The following SLC35F3 variants were observed in gnomAD, a reference collection of about 807,000 sequenced individuals.
The protein encoded by SLC35F3 is putative thiamine transporter SLC35F3.
SLC35F3 carries 25 observed loss-of-function variants against 49.9 expected under a neutral mutation model. The ratio of observed to expected loss-of-function variants is 0.50; its 90% CI spans 0.37 to 0.70. The LOEUF is 0.70. Among genes scored for constraint, SLC35F3 ranks in the 30% least tolerant of loss-of-function variants. The pLI, the probability that SLC35F3 is intolerant of heterozygous loss-of-function variation, is 0.00. For missense variants in SLC35F3, 525 were observed against 639.8 expected (o/e 0.82, Z 1.94); for synonymous variants, 275 against 265.4 (o/e 1.04, Z -0.35).
At chr1:233,959,906 G>C (rs1662766508) in intron 2 of SLC35F3, among the ~76,000 whole-genome samples, 1 of 152,192 alleles carries the variant, frequency 6.6e-6, no homozygotes. Flanking sequence ...TTGAGACCTG[G>C]AGTGCCCAAC....
chr1:234,087,161 T>G (rs1013344686), intron 2 of SLC35F3, among the ~76,000 whole-genome samples: 3 of 152,180 alleles, frequency 2.0e-5, no homozygotes, highest in Non-Finnish European at 4.4e-5. Flanking sequence ...CTTCCAAGCC[T>G]TTGGTGTGTG....
chr1:234,154,053 C>T lies in SLC35F3; in HGVS notation c.284-77364C>T, dbSNP rs148417666. Among the ~76,000 whole-genome samples the T allele has an allele frequency of 7.2e-3, 1,086 of 149,910 alleles. 18 individuals are homozygous for T. Among genetic ancestry groups the T allele is most frequent in the African/African-American group, 0.024 (979 of 40,632 alleles). ...CTCCAGCCTGGGCAACAGAGCGAGA[C>T]TCCGTCTCAAAAAAAAAAACAAAAA... On this transcript the variant is annotated intron_variant, in intron 2 of 7. Transcript: ENST00000366618.
intron 2 of SLC35F3, among the ~76,000 whole-genome samples, chr1:234,116,346 T>A (rs1006220472): frequency 2.0e-5 from 3 of 152,128 alleles, no homozygotes; most frequent in Admixed American, 2.0e-4. Context: ...CTTTAGAAGC[T>A]GTGTGCCAAG....
At chr1:234,062,231 T>C (rs1664552635) in intron 2 of SLC35F3, among the ~76,000 whole-genome samples, 1 of 152,234 alleles carries the variant, frequency 6.6e-6, no homozygotes, top group African/African-American at 2.4e-5. Context: ...CTCCATTGCC[T>C]GAAGTTTCTG....
chr1:234,290,873 CT>C (rs1019468834), intron 3 of SLC35F3, among the ~76,000 whole-genome samples: 4 of 152,014 alleles, frequency 2.6e-5, no homozygotes, highest in African/African-American at 9.7e-5. Flanking sequence ...TATAACTCAC[CT>C]TTTTTTTCCT....
At chr1:234,084,220 GAC>G (rs34569981) in intron 2 of SLC35F3, among the ~76,000 whole-genome samples, 1,846 of 148,068 alleles carry the variant, frequency 0.012, 11 homozygotes, top group Middle Eastern at 0.059. Flanking sequence ...ATAAGGAATA[GAC>G]ACACACACAC....
intron 2 of SLC35F3, chr1:234,215,223 C>T (rs1667104431): frequency 1.3e-5 from 2 of 152,440 alleles, no homozygotes; most frequent in Non-Finnish European, 2.9e-5. Context: ...GAGAGGCCCC[C>T]AGAAGGTGTC....
chr1:234,166,624 G>T (rs1452201467), intron 2 of SLC35F3, among the ~76,000 whole-genome samples: 1 of 152,142 alleles, frequency 6.6e-6, no homozygotes, highest in Non-Finnish European at 1.5e-5. Context: ...AGAGGACCAG[G>T]TGGCCCAAGG....
intron 3 of SLC35F3, among the ~76,000 whole-genome samples, chr1:234,254,318 A>G (rs999568761): frequency 1.3e-5 from 2 of 152,224 alleles, no homozygotes; most frequent in Non-Finnish European, 2.9e-5. Context: ...CAGTTACATC[A>G]GACCTAACAA....
At chr1:234,103,932 C>T (rs1020983082) in intron 2 of SLC35F3, among the ~76,000 whole-genome samples, 25 of 152,130 alleles carry the variant, frequency 1.6e-4, no homozygotes, top group African/African-American at 1.2e-4. Context: ...ATGAGATTAG[C>T]GGCATTCCAA....
chr1:233,951,741 T>G (rs980961034), intron 2 of SLC35F3, among the ~76,000 whole-genome samples: 7 of 151,994 alleles, frequency 4.6e-5, no homozygotes, highest in Non-Finnish European at 8.8e-5. Flanking sequence ...TGTGTTTTGT[T>G]TTGTTTTTTT....
At chr1:234,270,619 G>A (rs1224734406) in intron 3 of SLC35F3, among the ~76,000 whole-genome samples, 1 of 152,204 alleles carries the variant, frequency 6.6e-6, no homozygotes, top group African/African-American at 2.4e-5. Flanking sequence ...AGTGGTAATT[G>A]CCTACAAAGC....
intron 3 of SLC35F3, among the ~76,000 whole-genome samples, chr1:234,291,894 T>C (rs947122067): frequency 3.3e-5 from 5 of 152,186 alleles, no homozygotes; most frequent in Non-Finnish European, 7.3e-5. Context: ...GTCCTTGGTG[T>C]GCAGAAGACA....
intron 2 of SLC35F3, among the ~76,000 whole-genome samples, chr1:234,021,533 A>C (rs1663896464): frequency 6.6e-6 from 1 of 152,200 alleles, no homozygotes; most frequent in East Asian, 1.9e-4. Context: ...ATGCATAACC[A>C]CATGTGATAA....
intron 2 of SLC35F3, among the ~76,000 whole-genome samples, chr1:234,148,002 T>A (rs1220523382): frequency 6.6e-6 from 1 of 152,180 alleles, no homozygotes; most frequent in East Asian, 1.9e-4. Context: ...CCCTGAACTG[T>A]AACTCACTGA....
chr1:233,936,911 C>T (rs151272062), intron 2 of SLC35F3, among the ~76,000 whole-genome samples: 125 of 152,240 alleles, frequency 8.2e-4, no homozygotes, highest in East Asian at 7.1e-3. Context: ...AGGCTGGTCT[C>T]GAACTCCTGA....
At position 233,927,885 on chromosome 1, in the gene SLC35F3, TA is replaced by T. The variant is rs199593133; in HGVS notation, c.283+22132del. Among the ~76,000 whole-genome samples the T allele has an allele frequency of 1.8e-3, 281 of 152,290 alleles. 1 individual carries two copies. The highest frequency in any genetic ancestry group is 6.3e-3 in the African/African-American group (263 of 41,562). ...GGTAATTAGATTCCTTAAATAGATATAAAAAGTAATGTAGTAGCTTTATTTT... is the reference window on the plus strand; with the variant it reads ...GGTAATTAGATTCCTTAAATAGATATAAAAGTAATGTAGTAGCTTTATTTT... On this transcript the variant is annotated intron_variant, in intron 2 of 7. Transcript: ENST00000366618.
At chr1:234,176,759 A>C (rs1007772872) in intron 2 of SLC35F3, among the ~76,000 whole-genome samples, 2 of 152,204 alleles carry the variant, frequency 1.3e-5, no homozygotes, top group Non-Finnish European at 2.9e-5. Flanking sequence ...GAACTTGAAC[A>C]TCTACAAGTG....
At chr1:234,227,392 C>CTTTTTT (rs369277069) in intron 2 of SLC35F3, among the ~76,000 whole-genome samples, 50 of 108,706 alleles carry the variant, frequency 4.6e-4, no homozygotes, top group East Asian at 1.1e-3. Flanking sequence ...CTCTTTCTTT[C>CTTTTTT]TTTTTTTTTT....
Sources: gnomAD v4.1 joint callset for allele counts (sites outside exome capture counted in the v4.1 genomes callset) on GRCh38, gnomAD v4.1.1 for gene constraint, MANE v1.5 for transcripts, NCBI Gene and HGNC (gene_info 2026-07-23, HGNC 2026-07-21) for gene names.